EDIL3: variants seen among roughly 807,000 people sequenced by gnomAD.
EDIL3 encodes EGF-like repeat and discoidin I-like domain-containing protein 3.
Under a neutral mutation model 67.4 loss-of-function variants are expected in EDIL3, and 37 were observed. The observed-to-expected ratio is 0.55, with a 90% CI of 0.42 to 0.72. EDIL3 has a LOEUF of 0.72. Among genes scored for constraint, EDIL3 ranks in the 30% least tolerant of loss-of-function variants. The pLI, the probability that EDIL3 is intolerant of heterozygous loss-of-function variation, is 0.00. For synonymous variants in EDIL3, 195 were observed against 196.3 expected (o/e 0.99, Z 0.05); for missense variants, 527 against 586.3 (o/e 0.90, Z 1.04).
intron 1 of EDIL3, among the ~76,000 whole-genome samples, chr5:84,337,727 C>T (rs1306410077): frequency 6.6e-6 from 1 of 152,060 alleles, no homozygotes; most frequent in African/African-American, 2.4e-5. Context: ...ACTTTTTCAT[C>T]ATGATAAATG....
intron 1 of EDIL3, among the ~76,000 whole-genome samples, chr5:84,319,494 C>CAAAAAAAAAAAAAAAAAAAAAAAAAAA (rs55738450): frequency 7.2e-4 from 31 of 42,836 alleles, no homozygotes; most frequent in South Asian, 1.4e-3. Flanking sequence ...CAAAAAACAA[C>CAAAAAAAAAAAAAAAAAAAAAAAAAAA]AAAAAAAAAA....
At chr5:84,065,677 A>G (rs1746626905) in intron 7 of EDIL3, among the ~76,000 whole-genome samples, 1 of 152,182 alleles carries the variant, frequency 6.6e-6, no homozygotes, top group Non-Finnish European at 1.5e-5. Context: ...ATAATATTCA[A>G]TACCTCTAAA....
chr5:84,210,844 G>T (rs1017092909), intron 3 of EDIL3, among the ~76,000 whole-genome samples: 21 of 152,096 alleles, frequency 1.4e-4, no homozygotes, highest in Admixed American at 8.5e-4. Context: ...TATGAGAGCT[G>T]CAAAAGTAAA....
chr5:84,053,814 T>A (rs1746387989), intron 9 of EDIL3, among the ~76,000 whole-genome samples: 1 of 152,082 alleles, frequency 6.6e-6, no homozygotes, highest in African/African-American at 2.4e-5. Flanking sequence ...AGGCAAGAAT[T>A]AATAGCTTAC....
chr5:84,340,247 GA>G (rs908684595), intron 1 of EDIL3, among the ~76,000 whole-genome samples: 5 of 149,392 alleles, frequency 3.3e-5, no homozygotes, highest in Admixed American at 1.3e-4. Flanking sequence ...TTAACAACAA[GA>G]AAAAAAAATC....
rs138905407 is a variant in EDIL3, at chr5:83,951,281, G to A, written c.1294-7713C>T. ...TGTTGCTCTCAAGAAATTTCTTGTG[G>A]CTCTAAAGTTTGCTTTCTATTGTAA... On this transcript the variant is annotated intron_variant, in intron 10 of 10. Coordinates refer to ENST00000296591, the MANE Select transcript of EDIL3 (RefSeq NM_005711.5). 3.7e-4 allele frequency among the ~76,000 whole-genome samples: 56 copies of A among 151,714 alleles called. 1 individual carries two copies. The East Asian group carries it at 0.01, about 28-fold the overall frequency.
chr5:84,261,145 A>G (rs1189554940), intron 1 of EDIL3, among the ~76,000 whole-genome samples: 2 of 152,200 alleles, frequency 1.3e-5, no homozygotes, highest in African/African-American at 4.8e-5. Flanking sequence ...TATAGACAGA[A>G]TATTTGACAA....
chr5:84,185,979 A>G (rs1743421747), intron 3 of EDIL3, among the ~76,000 whole-genome samples: 1 of 152,136 alleles, frequency 6.6e-6, no homozygotes, highest in Non-Finnish European at 1.5e-5. Flanking sequence ...ACAAGTTAGT[A>G]TATAAAGATA....
chr5:84,319,302 T>A (rs1286012545), intron 1 of EDIL3, among the ~76,000 whole-genome samples: 2 of 87,394 alleles, frequency 2.3e-5, no homozygotes, highest in Admixed American at 1.1e-4. Flanking sequence ...CTACTAAAAA[T>A]ACAAAAAAAA....
At chr5:84,075,919 G>C (rs199533591) in intron 6 of EDIL3, among the ~76,000 whole-genome samples, 2,306 of 101,900 alleles carry the variant, frequency 0.023, 47 homozygotes, top group East Asian at 0.09. Flanking sequence ...CACACACACA[G>C]ACACACACTC....
chr5:84,050,708 G>A (rs1172185743), intron 9 of EDIL3, among the ~76,000 whole-genome samples: 2 of 152,218 alleles, frequency 1.3e-5, no homozygotes, highest in Non-Finnish European at 2.9e-5. Context: ...ACAGAGCCTC[G>A]CTCATTGCTA....
chr5:83,998,558 G>C (rs1431673063), intron 9 of EDIL3, among the ~76,000 whole-genome samples: 1 of 152,128 alleles, frequency 6.6e-6, no homozygotes, highest in African/African-American at 2.4e-5. Context: ...GGGAAGGAGA[G>C]AGAAGAGTGA....
At position 84,189,030 on chromosome 5, in the gene EDIL3, T is replaced by A. The variant is rs117249245; in HGVS notation, c.227-8509A>T. On this transcript the variant is annotated intron_variant, in intron 3 of 10. Coordinates refer to ENST00000296591, the MANE Select transcript of EDIL3 (RefSeq NM_005711.5). Reference sequence around the variant, plus strand: ...CGCCTTATGGTTCCTGTGTAGTTGTTTTGTTATAGTATTGCAGTTGATTAA... The same window carrying A: ...CGCCTTATGGTTCCTGTGTAGTTGTATTGTTATAGTATTGCAGTTGATTAA... Among the ~76,000 whole-genome samples, 139 of 152,150 alleles carry A rather than the reference T, an allele frequency of 9.1e-4. 1 individual carries two copies. In the East Asian group the frequency reaches 0.025, roughly 28 times the overall value.
intron 3 of EDIL3, among the ~76,000 whole-genome samples, chr5:84,182,712 T>C (rs1749035564): frequency 6.6e-6 from 1 of 151,998 alleles, no homozygotes; most frequent in Non-Finnish European, 1.5e-5. Context: ...AAGAAACACA[T>C]GGAACAGGAA....
chr5:84,067,750 T>C (rs1037216997), intron 6 of EDIL3, among the ~76,000 whole-genome samples: 1 of 152,182 alleles, frequency 6.6e-6, no homozygotes, highest in African/African-American at 2.4e-5. Flanking sequence ...CAAAGTCTCA[T>C]CTTCCCCGTT....
intron 1 of EDIL3, among the ~76,000 whole-genome samples, chr5:84,305,643 G>A (rs1323510429): frequency 1.3e-5 from 2 of 152,166 alleles, no homozygotes; most frequent in Admixed American, 1.3e-4. Context: ...ATTTTGGGAG[G>A]CCAAGACGCG....
chr5:84,279,295 T>C (rs1026156978), intron 1 of EDIL3, among the ~76,000 whole-genome samples: 1 of 152,168 alleles, frequency 6.6e-6, no homozygotes, highest in African/African-American at 2.4e-5. Context: ...TCAATAAAAA[T>C]AAATCCTGTA....
intron 3 of EDIL3, among the ~76,000 whole-genome samples, chr5:84,210,343 A>G (rs1744092948): frequency 6.6e-6 from 1 of 152,120 alleles, no homozygotes; most frequent in African/African-American, 2.4e-5. Flanking sequence ...TGGATAAAAT[A>G]TGTGTATTTT....
intron 1 of EDIL3, among the ~76,000 whole-genome samples, chr5:84,289,236 C>T (rs565098269): frequency 6.6e-6 from 1 of 152,232 alleles, no homozygotes; most frequent in East Asian, 1.9e-4. Context: ...ATTTAACATT[C>T]CGTGACATTA....
Sources: gnomAD v4.1 joint callset for allele counts (sites outside exome capture counted in the v4.1 genomes callset) on GRCh38, gnomAD v4.1.1 for gene constraint, MANE v1.5 for transcripts, NCBI Gene and HGNC (gene_info 2026-07-23, HGNC 2026-07-21) for gene names.